PIAS1: variants seen among roughly 807,000 people sequenced by gnomAD.
PIAS1 encodes protein inhibitor of activated STAT 1.
In PIAS1, 6 loss-of-function variants were observed where a neutral mutation model predicts 71.3. The ratio of observed to expected loss-of-function variants is 0.08; its 90% confidence interval spans 0.05 to 0.17. The LOEUF (loss-of-function observed/expected upper bound fraction) is 0.17. PIAS1 is among the 10% of genes least tolerant of loss of function. PIAS1 has a pLI of 1.00. For missense variants in PIAS1, 555 were observed against 793.6 expected (o/e 0.70, Z 3.61); for synonymous variants, 303 against 292.9 (o/e 1.03, Z -0.35).
intron 11 of PIAS1, among the ~76,000 whole-genome samples, chr15:68,179,795 C>A (rs1010967863): frequency 2.0e-5 from 3 of 151,654 alleles, no homozygotes; most frequent in Non-Finnish European, 2.9e-5. Context: ...TGAGGCTGGT[C>A]TCAAACTCCC....
intron 1 of PIAS1, among the ~76,000 whole-genome samples, chr15:68,072,393 C>A (rs1444984025): frequency 9.6e-6 from 1 of 104,236 alleles, no homozygotes; most frequent in Non-Finnish European, 1.8e-5. Flanking sequence ...GAGCGAGACT[C>A]CATCTCAAAA....
At chr15:68,108,463 C>T (rs72759533) in intron 2 of PIAS1, among the ~76,000 whole-genome samples, 104 of 152,116 alleles carry the variant, frequency 6.8e-4, no homozygotes, top group Admixed American at 1.6e-3. Flanking sequence ...TGTCTTTCCT[C>T]GTTCTTCCTC....
At chr15:68,175,950 G>C (rs1450285339) in intron 10 of PIAS1, among the ~76,000 whole-genome samples, 183 bp downstream of exon 10, 1 of 152,000 alleles carries the variant, frequency 6.6e-6, no homozygotes, top group African/African-American at 2.4e-5. Context: ...TTTTTTGCCA[G>C]CTTTAAAAAA....
At chr15:68,075,709 A>G (rs1877155193) in intron 1 of PIAS1, among the ~76,000 whole-genome samples, 1 of 151,936 alleles carries the variant, frequency 6.6e-6, no homozygotes, top group Non-Finnish European at 1.5e-5. Context: ...CAAGACCTGA[A>G]TAACTTTTTG....
rs560248645 is a variant in PIAS1 at position 68,150,886 on chromosome 15, A to G, written c.829-2704A>G. Among the ~76,000 whole-genome samples the G allele has an allele frequency of 5.3e-5, 8 of 152,316 alleles. No individual in the cohort carries two copies. The South Asian group carries it at 1.7e-3, about 32-fold the overall frequency. On this transcript the variant is annotated intron_variant, in intron 6 of 13. Coordinates refer to ENST00000249636, the MANE Select transcript of PIAS1 (RefSeq NM_016166.3). ...AAAATCTGGAAGAAAAAAAAAATTC[A>G]GAGTCCAAAATACTTATAGTCCCAA...
At chr15:68,155,441 G>T (rs1413098863) in intron 7 of PIAS1, among the ~76,000 whole-genome samples, 2 of 109,378 alleles carry the variant, frequency 1.8e-5, no homozygotes, top group African/African-American at 6.6e-5. Context: ...TTACCTGTAT[G>T]CTGCCTGTAA....
At chr15:68,118,858 CAT>C (rs1225801655) in intron 2 of PIAS1, among the ~76,000 whole-genome samples, 3 of 151,724 alleles carry the variant, frequency 2.0e-5, no homozygotes, top group African/African-American at 4.8e-5. Context: ...AGGAAAAAAA[CAT>C]AGGAGAAAAG....
At chr15:68,118,931 A>G (rs574865497) in intron 2 of PIAS1, among the ~76,000 whole-genome samples, 4 of 152,296 alleles carry the variant, frequency 2.6e-5, no homozygotes, top group South Asian at 2.1e-4. Context: ...AAAAGCAACT[A>G]TAGACACATG....
chr15:68,092,379 C>G (rs184062812), intron 2 of PIAS1, among the ~76,000 whole-genome samples: 3 of 152,024 alleles, frequency 2.0e-5, no homozygotes, highest in Non-Finnish European at 4.4e-5. Flanking sequence ...GTCATGTTGG[C>G]CAGGCTTGTC....
intron 2 of PIAS1, among the ~76,000 whole-genome samples, chr15:68,123,117 G>A (rs1240169101): frequency 6.6e-6 from 1 of 151,860 alleles, no homozygotes; most frequent in Non-Finnish European, 1.5e-5. Flanking sequence ...AGTGGTACAA[G>A]CGTAGCTCAC....
rs199993365 is a variant in PIAS1, at chr15:68,178,269, CA to C, written c.1481+1624del. ...TGGGTGACAGAATGAGACCCCATCTCAAAAAAAAATAAGATTTCAGTCAAAC... is the reference window on the plus strand; with the variant it reads ...TGGGTGACAGAATGAGACCCCATCTCAAAAAAAATAAGATTTCAGTCAAAC... On this transcript the variant is annotated intron_variant, in intron 11 of 13. Transcript: ENST00000249636. This position sits in a 1 kb window ranked among gnomAD's most constrained non-coding sequence, Gnocchi z 4.2. Among the ~76,000 whole-genome samples, 47 of 148,664 alleles carry C rather than the reference CA, an allele frequency of 3.2e-4. No homozygotes were observed. The highest frequency in any genetic ancestry group is 1.1e-3 in the African/African-American group (43 of 40,528).
chr15:68,081,994 T>C (rs1244063586), intron 1 of PIAS1, among the ~76,000 whole-genome samples: 4 of 151,802 alleles, frequency 2.6e-5, no homozygotes, highest in African/African-American at 4.8e-5. Flanking sequence ...GATGGGGATA[T>C]ATAGTTGACT....
Position 68,086,577 on chromosome 15 carries a change from A to G in PIAS1, c.296A>G (p.Tyr99Cys). The G allele has an allele frequency of 6.2e-7, 1 of 1,613,910 alleles. No homozygotes were observed. Among genetic ancestry groups the G allele is most frequent in the Non-Finnish European group, 8.5e-7 (1 of 1,179,856 alleles). Residue 99 changes from tyrosine to cysteine, a missense_variant, in exon 2 of 14, where the codon TAC becomes TGC. Physicochemically the swap from Tyr to Cys is radical, Grantham distance 194 (BLOSUM62 -2). Coordinates refer to ENST00000249636, the MANE Select transcript of PIAS1 (RefSeq NM_016166.3). This position sits in a 1 kb window ranked among gnomAD's most constrained non-coding sequence, Gnocchi z 7.2. ...LSPSTIPQLT[Y>C]DGHPASSPLL... Reference sequence around the variant, plus strand: ...CCATCTACCATTCCACAACTCACTTACGATGGTCACCCTGCATCATCGCCA... The same window carrying G: ...CCATCTACCATTCCACAACTCACTTGCGATGGTCACCCTGCATCATCGCCA...
At chr15:68,122,479 A>C (rs549865577) in intron 2 of PIAS1, among the ~76,000 whole-genome samples, 29 of 152,186 alleles carry the variant, frequency 1.9e-4, no homozygotes, top group Non-Finnish European at 4.1e-4. Context: ...CTGCCAAGCT[A>C]AAAGGATAAT....
intron 1 of PIAS1, among the ~76,000 whole-genome samples, chr15:68,059,757 T>A (rs1176746571): frequency 6.6e-6 from 1 of 152,068 alleles, no homozygotes; most frequent in Non-Finnish European, 1.5e-5. Context: ...TTTATTTTAT[T>A]TTTGTAGAGT....
At chr15:68,129,761 T>A (rs1232163511) in intron 2 of PIAS1, among the ~76,000 whole-genome samples, 1 of 150,302 alleles carries the variant, frequency 6.7e-6, no homozygotes, top group Non-Finnish European at 1.5e-5. Context: ...CTTAAAATCT[T>A]AATGAAAAAG....
intron 2 of PIAS1, among the ~76,000 whole-genome samples, chr15:68,093,041 GAC>G (rs1184459997): frequency 5.9e-5 from 9 of 152,148 alleles, no homozygotes; most frequent in Non-Finnish European, 1.3e-4. Flanking sequence ...CCTTTTCTTT[GAC>G]AGTGATGACT....
chr15:68,192,052 G>A lies in PIAS1; in HGVS notation c.*4217G>A, dbSNP rs1002517869. 1.1e-4 allele frequency: 16 copies of A among 152,184 alleles called. No homozygotes were observed. The highest frequency in any genetic ancestry group is 3.9e-4 in the African/African-American group (16 of 41,440). 9.4% of individuals were successfully genotyped at this position (152,184 alleles called of 1,614,324 possible). A position where few individuals can be genotyped will look rare whatever the true frequency, so the allele number is the denominator to read the frequency against. On this transcript the variant is annotated 3_prime_UTR_variant, in exon 14 of 14. Transcript: ENST00000249636. ...CAGTGATAAATATAGACATAGAAAA[G>A]CTTTGACGGAAAGTACCCTCATTTA...
chr15:68,054,516 G>A lies in PIAS1; in HGVS notation c.24+166G>A. The A allele has an allele frequency of 1.7e-6, 1 of 584,402 alleles. No homozygotes were observed. The highest frequency in any genetic ancestry group is 2.8e-6 in the Non-Finnish European group (1 of 354,278). 36.2% of individuals were successfully genotyped at this position (584,402 alleles called of 1,614,324 possible). On this transcript the variant is annotated intron_variant, in intron 1 of 13. Coordinates refer to ENST00000249636, the MANE Select transcript of PIAS1 (RefSeq NM_016166.3). This position sits in a 1 kb window ranked among gnomAD's most constrained non-coding sequence, Gnocchi z 4.6. ...CGGTCTCAGCAGAGGGGGCCCGCCT[G>A]CGGCGGGCCGCGGGCCCCGGGTGCC... is the stretch of plus-strand genomic sequence containing the variant.
Sources: gnomAD v4.1 joint callset for allele counts (sites outside exome capture counted in the v4.1 genomes callset) on GRCh38, gnomAD v4.1.1 for gene constraint, Gnocchi (gnomAD v3.1) non-coding constraint, MANE v1.5 for transcripts, NCBI Gene and HGNC (gene_info 2026-07-23, HGNC 2026-07-21) for gene names.